The following PINX1 variants were observed in gnomAD, a reference collection of about 807,000 sequenced individuals.
The protein encoded by PINX1 is PIN2/TERF1-interacting telomerase inhibitor 1.
Under a neutral mutation model 25.4 loss-of-function variants are expected in PINX1, and 34 were observed. That is an observed-to-expected ratio of 1.34 (90% CI 1.02 to 1.78). The LOEUF (loss-of-function observed/expected upper bound fraction) is 1.78. Ranked by LOEUF, PINX1 falls within the 40% of genes most tolerant of loss-of-function variation. PINX1 has a pLI of 0.00. For missense variants in PINX1, 592 were observed against 404.9 expected (o/e 1.46, Z -3.97); for synonymous variants, 197 against 147.7 (o/e 1.33, Z -2.42).
chr8:10,830,936 C>G (rs770838257), intron 4 of PINX1, among the ~76,000 whole-genome samples: 3 of 152,190 alleles, frequency 2.0e-5, no homozygotes, highest in Non-Finnish European at 4.4e-5. Context: ...ATCCAGCAAT[C>G]CACTCCCAGG....
At chr8:10,809,033 T>C (rs897301117) in intron 6 of PINX1, among the ~76,000 whole-genome samples, 3 of 152,244 alleles carry the variant, frequency 2.0e-5, no homozygotes, top group African/African-American at 7.2e-5. Flanking sequence ...CCGAGAGCCA[T>C]GTCATTCCCC....
At chr8:10,774,031 C>T (rs1325076994) in intron 6 of PINX1, among the ~76,000 whole-genome samples, 4 of 152,212 alleles carry the variant, frequency 2.6e-5, no homozygotes, top group Admixed American at 6.5e-5. Context: ...CAGGTCAAAT[C>T]GTTCTCTCCC....
At chr8:10,777,666 C>G (rs1472323900) in intron 6 of PINX1, among the ~76,000 whole-genome samples, 1 of 152,102 alleles carries the variant, frequency 6.6e-6, no homozygotes, top group Non-Finnish European at 1.5e-5. Context: ...CCCAAAATTG[C>G]CTTTTTTTTA....
chr8:10,816,970 G>T (rs1014166654), intron 6 of PINX1, among the ~76,000 whole-genome samples: 4 of 152,204 alleles, frequency 2.6e-5, no homozygotes, highest in African/African-American at 9.7e-5. Flanking sequence ...GAAAAATCCA[G>T]CACAGGGTTT....
At chr8:10,826,619 T>C (rs1798053808) in intron 4 of PINX1, among the ~76,000 whole-genome samples, 1 of 152,194 alleles carries the variant, frequency 6.6e-6, no homozygotes, top group Non-Finnish European at 1.5e-5. Context: ...TGTGAATGCA[T>C]GAACAGCTGA....
chr8:10,780,613 C>T (rs1183392370), intron 6 of PINX1, among the ~76,000 whole-genome samples: 2 of 148,532 alleles, frequency 1.3e-5, no homozygotes, highest in Non-Finnish European at 3.0e-5. Flanking sequence ...TTTATGGTAC[C>T]ATCAAAAAAA....
chr8:10,824,019 G>C (rs1797957961), intron 5 of PINX1, among the ~76,000 whole-genome samples: 2 of 152,230 alleles, frequency 1.3e-5, no homozygotes, highest in Admixed American at 6.5e-5. Flanking sequence ...CATCAACTAA[G>C]TGAATGAGTT....
At chr8:10,825,304 G>A in intron 5 of PINX1, 1 of 534,114 alleles carries the variant, frequency 1.9e-6, no homozygotes, top group Non-Finnish European at 3.9e-6. Context: ...GAGATGTGCT[G>A]TTCCTGGCAT....
At chr8:10,817,690 G>A (rs1051816269) in intron 6 of PINX1, among the ~76,000 whole-genome samples, 11 of 152,280 alleles carry the variant, frequency 7.2e-5, no homozygotes, top group African/African-American at 2.6e-4. Context: ...TCACCTGGGG[G>A]CTCCTCGGAT....
intron 6 of PINX1, among the ~76,000 whole-genome samples, chr8:10,777,471 C>T (rs889571014): frequency 6.6e-6 from 1 of 152,166 alleles, no homozygotes; most frequent in Non-Finnish European, 1.5e-5. Context: ...GTCCTCGGCA[C>T]CTTATCAGCT....
chr8:10,813,244 G>A (rs7008335), intron 6 of PINX1, among the ~76,000 whole-genome samples: 1,710 of 152,242 alleles, frequency 0.011, 20 homozygotes, highest in African/African-American at 0.035. Flanking sequence ...AGGGTAGAGC[G>A]ATAGGTGCAG....
chr8:10,828,945 G>A (rs1280074113), intron 4 of PINX1, among the ~76,000 whole-genome samples: 1 of 152,150 alleles, frequency 6.6e-6, no homozygotes, highest in Non-Finnish European at 1.5e-5. Context: ...TGTTTAATAA[G>A]CATTCATTAA....
chr8:10,780,308 A>G (rs1447462434), intron 6 of PINX1, among the ~76,000 whole-genome samples: 2 of 152,188 alleles, frequency 1.3e-5, no homozygotes, highest in African/African-American at 4.8e-5. Context: ...TTAGAGGGAA[A>G]GCTTTCACAC....
intron 6 of PINX1, among the ~76,000 whole-genome samples, chr8:10,818,950 G>C (rs1407286557): frequency 2.0e-5 from 3 of 152,206 alleles, no homozygotes; most frequent in African/African-American, 7.2e-5. Flanking sequence ...TGAGCACTGA[G>C]GGCAGAGGTA....
chr8:10,772,966 A>G (rs1801276479), intron 6 of PINX1, among the ~76,000 whole-genome samples: 1 of 151,900 alleles, frequency 6.6e-6, no homozygotes, highest in African/African-American at 2.4e-5. Context: ...GGTTAGGAGG[A>G]AACAAAAAAC....
intron 6 of PINX1, among the ~76,000 whole-genome samples, chr8:10,806,410 G>T (rs1484526010): frequency 1.4e-5 from 2 of 146,698 alleles, no homozygotes; most frequent in African/African-American, 4.9e-5. Context: ...AAGTTTTTGT[G>T]TTTTCTGTTT....
chr8:10,780,762 T>C (rs944902680), intron 6 of PINX1, among the ~76,000 whole-genome samples: 1 of 152,190 alleles, frequency 6.6e-6, no homozygotes, highest in African/African-American at 2.4e-5. Context: ...AAGAATATTA[T>C]TAAAATGTCC....
At chr8:10,834,598 G>A (rs1206310382) in intron 2 of PINX1, 68 bp downstream of exon 2, 39 of 1,560,070 alleles carry the variant, frequency 2.5e-5, no homozygotes, top group Non-Finnish European at 3.1e-5. Context: ...CTCCTAAGAA[G>A]GAAGTTTTCC....
chr8:10,826,047 G>A (rs1798027355), intron 5 of PINX1, 105 bp downstream of exon 5: 4 of 636,580 alleles, frequency 6.3e-6, no homozygotes, highest in Non-Finnish European at 1.1e-5. Context: ...AGTCGGAGCT[G>A]TCCATAAAGC....
Sources: allele counts gnomAD v4.1 joint callset (sites outside exome capture counted in the v4.1 genomes callset), GRCh38; gene constraint gnomAD v4.1.1; transcripts MANE v1.5; gene names NCBI Gene and HGNC (gene_info 2026-07-23, HGNC 2026-07-21).